Variants in NFASC observed in about 807,000 individuals in gnomAD.
NFASC encodes neurofascin homolog.
A neutral mutation model predicts 147.5 loss-of-function variants in NFASC; 43 were observed. The observed-to-expected ratio is 0.29, with a 90% CI of 0.23 to 0.38. NFASC has a LOEUF of 0.38. Among genes scored for constraint, NFASC ranks in the 10% least tolerant of loss-of-function variants. The pLI is 1.00. For synonymous variants in NFASC, 622 were observed against 665.5 expected (o/e 0.93, Z 1.01); for missense variants, 1,320 against 1,689.0 (o/e 0.78, Z 3.83).
intron 1 of NFASC, among the ~76,000 whole-genome samples, chr1:204,830,009 GTGTGTGTGTGTGTGTGT>G (rs1671759248): frequency 5.5e-5 from 1 of 18,102 alleles, no homozygotes; most frequent in Non-Finnish European, 8.0e-4. Flanking sequence ...GGCATGGGGT[GTGTGTGTGTGTGTGTGT>G]GTGTGTGTGT....
intron 26 of NFASC, among the ~76,000 whole-genome samples, chr1:205,002,389 T>C (rs1040377427): frequency 6.6e-6 from 1 of 152,198 alleles, no homozygotes; most frequent in Admixed American, 6.5e-5. Context: ...TGTCCCCAGC[T>C]GAAGGGTCGT....
intron 1 of NFASC, among the ~76,000 whole-genome samples, chr1:204,890,875 G>A (rs1215005674): frequency 1.3e-5 from 2 of 152,156 alleles, no homozygotes; most frequent in Non-Finnish European, 2.9e-5. Flanking sequence ...TGGCCAGGGA[G>A]GCACTTTTCT....
Position 204,952,015 on chromosome 1 carries a change from G to A in NFASC, c.114G>A (p.Thr38=), listed in dbSNP as rs111823167. The change falls in exon 5 of 30, where the codon ACG becomes ACA. Residue 38 remains threonine, a synonymous_variant. Transcript: ENST00000339876. Reference sequence around the variant, plus strand: ...GCTCCCTGTGCACTGTTGCAGTGACGCAGCCGCCAACCATCACCAAGCAGT... The same window carrying A: ...GCTCCCTGTGCACTGTTGCAGTGACACAGCCGCCAACCATCACCAAGCAGT... ...PMDPSIQNEL[T]QPPTITKQSA... is the part of the protein sequence containing the mutation. The A allele has an allele frequency of 3.8e-5, 62 of 1,613,852 alleles. No individual in the cohort carries two copies. The highest frequency in any genetic ancestry group is 8.0e-5 in the African/African-American group (6 of 75,022).
intron 2 of NFASC, among the ~76,000 whole-genome samples, chr1:204,940,745 G>T (rs1405291014): frequency 6.6e-6 from 1 of 152,124 alleles, no homozygotes; most frequent in South Asian, 2.1e-4. Context: ...GTGTTTTCAG[G>T]ATTCATCCAT....
Position 204,954,996 on chromosome 1 carries a change from G to T in NFASC, c.535+45G>T, listed in dbSNP as rs368790449. On this transcript the variant is annotated intron_variant, in intron 7 of 29. Coordinates refer to ENST00000339876, the MANE Select transcript of NFASC (RefSeq NM_001005388.3). This position sits in a 1 kb window ranked among gnomAD's most constrained non-coding sequence, Gnocchi z 5.7. ...TGTTGTGTTTATATCTTAACCTTAG[G>T]GGGTGGGGTGGGTGTGTTAAGTGGG... 8 of 1,605,888 alleles carry T rather than the reference G, an allele frequency of 5.0e-6. No individual in the cohort carries two copies. The highest frequency in any genetic ancestry group is 6.8e-6 in the Non-Finnish European group (8 of 1,174,790).
At chr1:205,012,747 G>C in intron 28 of NFASC, 50 bp from the exon 29 acceptor site, 1 of 1,332,802 alleles carries the variant, frequency 7.5e-7, no homozygotes, top group Non-Finnish European at 1.1e-6. Flanking sequence ...GAGAGCAGGG[G>C]CATGTACTTA....
In NFASC at chr1:204,954,314, G is replaced by A. The variant is rs1223312010; in HGVS notation, c.342G>A (p.Gly114=). The change falls in exon 6 of 30, where the codon GGG becomes GGA. Residue 114 remains glycine, a synonymous_variant. Transcript: ENST00000339876. The surrounding 1 kb of genome is among the most constrained non-coding windows in gnomAD (Gnocchi z 5.7). ...RSGGRPEEYE[G]EYQCFARNKF... is the part of the protein sequence containing the mutation. ...GCGGGCGGCCGGAGGAATATGAGGG[G>A]GAATATCAGTGCTTCGCCCGCAACA... is the stretch of plus-strand genomic sequence containing the variant. 6.2e-7 allele frequency: 1 copy of A among 1,614,178 alleles called. No individual in the cohort carries two copies. Among genetic ancestry groups the A allele is most frequent in the Non-Finnish European group, 8.5e-7 (1 of 1,180,036 alleles).
chr1:204,962,069 G>T, intron 8 of NFASC: 1 of 1,553,940 alleles, frequency 6.4e-7, no homozygotes, highest in Non-Finnish European at 8.9e-7. Context: ...TGACTTCTCC[G>T]TGGCCTCCTG....
intron 27 of NFASC, among the ~76,000 whole-genome samples, chr1:205,004,988 C>A (rs527924512): frequency 6.6e-6 from 1 of 152,138 alleles, no homozygotes; most frequent in Non-Finnish European, 1.5e-5. Flanking sequence ...GTGCTGGGGG[C>A]GGGATGGGGT....
intron 1 of NFASC, among the ~76,000 whole-genome samples, chr1:204,875,310 G>A (rs2078556606): frequency 6.6e-6 from 1 of 152,104 alleles, no homozygotes; most frequent in South Asian, 2.1e-4. Flanking sequence ...AGGCACTGAA[G>A]GGAAGATGGG....
chr1:204,967,585 C>T lies in NFASC; in HGVS notation c.707-664C>T, dbSNP rs532884625. ...TCTCCCACCCCCTCCCCGAGCAGCT[C>T]ACATGTAATTACTACTCTCCTCCCC... On this transcript the variant is annotated intron_variant, in intron 8 of 29. Coordinates refer to ENST00000339876, the MANE Select transcript of NFASC (RefSeq NM_001005388.3). Among the ~76,000 whole-genome samples the T allele has an allele frequency of 3.3e-5, 5 of 151,888 alleles. No homozygotes were observed. In the South Asian group the frequency reaches 1.0e-3, roughly 32 times the overall value.
At chr1:204,852,189 A>G (rs1035492461) in intron 1 of NFASC, among the ~76,000 whole-genome samples, 2 of 152,184 alleles carry the variant, frequency 1.3e-5, no homozygotes, top group African/African-American at 4.8e-5. Context: ...ATCCCATTAG[A>G]GCTGCCCCCA....
chr1:204,907,990 G>T (rs1354664968), intron 1 of NFASC, among the ~76,000 whole-genome samples: 2 of 151,998 alleles, frequency 1.3e-5, no homozygotes, highest in East Asian at 3.8e-4. Flanking sequence ...TTTATTGTTT[G>T]TTTGTTTTTG....
At chr1:205,014,490 A>G (rs186121843) in intron 29 of NFASC, among the ~76,000 whole-genome samples, 2 of 152,260 alleles carry the variant, frequency 1.3e-5, no homozygotes, top group East Asian at 1.9e-4. Context: ...GTGGCCGACC[A>G]CCTTTCCCAT....
intron 1 of NFASC, among the ~76,000 whole-genome samples, chr1:204,910,024 C>T (rs2086976097): frequency 6.6e-6 from 1 of 151,886 alleles, no homozygotes; most frequent in Non-Finnish European, 1.5e-5. Flanking sequence ...GACTGATCCT[C>T]CTATGTTTTT....
intron 8 of NFASC, among the ~76,000 whole-genome samples, chr1:204,960,396 A>C (rs545594503): frequency 2.8e-4 from 42 of 152,344 alleles, no homozygotes; most frequent in South Asian, 2.1e-4. Flanking sequence ...CCTATGCTGT[A>C]ACAGGTGCTG....
At chr1:204,997,074 C>T in intron 24 of NFASC, 96 bp from the exon 25 acceptor site, 1 of 1,538,916 alleles carries the variant, frequency 6.5e-7, no homozygotes, top group East Asian at 2.3e-5. Flanking sequence ...AGCCCCGTCT[C>T]CTCACCGGGC....
chr1:204,929,872 C>A (rs1005207134), intron 2 of NFASC, among the ~76,000 whole-genome samples: 1 of 152,198 alleles, frequency 6.6e-6, no homozygotes, highest in African/African-American at 2.4e-5. Context: ...CTAGGAGACT[C>A]ATAGTTCTGG....
chr1:204,978,896 C>T, intron 17 of NFASC, 72 bp from the exon 18 acceptor site: 1 of 1,229,782 alleles, frequency 8.1e-7, no homozygotes, highest in Non-Finnish European at 1.1e-6. Flanking sequence ...AGGGAGCTGT[C>T]CAGGGCTAGG....
Sources: allele counts gnomAD v4.1 joint callset (sites outside exome capture counted in the v4.1 genomes callset), GRCh38; gene constraint gnomAD v4.1.1; non-coding constraint Gnocchi (gnomAD v3.1); transcripts MANE v1.5; gene names NCBI Gene and HGNC (gene_info 2026-07-23, HGNC 2026-07-21).